Variants in ENTREP2 observed in about 807,000 individuals in gnomAD.
The protein encoded by ENTREP2 is endosomal transmembrane epsin interactor 2.
chr15:29,548,271 T>C, the ENTREP2 span, among the ~76,000 whole-genome samples: 1 of 151,878 alleles, frequency 6.6e-6, no homozygotes, highest in Non-Finnish European at 1.5e-5. Flanking sequence ...CTGGTCAATA[T>C]GGCAAAACAC....
chr15:29,454,701 A>C, the ENTREP2 span, among the ~76,000 whole-genome samples: 4 of 152,194 alleles, frequency 2.6e-5, no homozygotes, highest in African/African-American at 4.8e-5. Context: ...GCCTGCGAAC[A>C]GCCACGGAGT....
At chr15:29,421,202 G>A in the ENTREP2 span, among the ~76,000 whole-genome samples, 225 of 152,302 alleles carry the variant, frequency 1.5e-3, no homozygotes, top group African/African-American at 5.2e-3. Context: ...TGATTAAGGC[G>A]AGGCAAGTAC....
the ENTREP2 span, among the ~76,000 whole-genome samples, chr15:29,450,629 A>G: frequency 6.6e-6 from 1 of 152,222 alleles, no homozygotes; most frequent in Non-Finnish European, 1.5e-5. Context: ...AACCCAAAGG[A>G]ATATAAATCA....
chr15:29,354,382 G>A, the ENTREP2 span, among the ~76,000 whole-genome samples: 1 of 152,138 alleles, frequency 6.6e-6, no homozygotes. Flanking sequence ...CTATTCCCAT[G>A]ATCAATGTCC....
the ENTREP2 span, among the ~76,000 whole-genome samples, chr15:29,214,866 A>G: frequency 2.6e-5 from 4 of 152,260 alleles, no homozygotes; most frequent in Admixed American, 2.6e-4. Flanking sequence ...CTATCGGGCT[A>G]TCTTGGAGAA....
chr15:29,435,690 ATATG>A, the ENTREP2 span, among the ~76,000 whole-genome samples: 1 of 152,048 alleles, frequency 6.6e-6, no homozygotes, highest in Admixed American at 6.5e-5. Context: ...ACACACATAT[ATATG>A]TATATATATA....
chr15:29,493,705 G>A, the ENTREP2 span, among the ~76,000 whole-genome samples: 3 of 152,128 alleles, frequency 2.0e-5, no homozygotes, highest in Non-Finnish European at 2.9e-5. Context: ...GCTAGGCATG[G>A]TGGCTCAGGC....
At chr15:29,192,127 A>G in the ENTREP2 span, among the ~76,000 whole-genome samples, 1 of 152,198 alleles carries the variant, frequency 6.6e-6, no homozygotes, top group Non-Finnish European at 1.5e-5. Context: ...CATGGCCCCC[A>G]GCAATCATGA....
the ENTREP2 span, among the ~76,000 whole-genome samples, chr15:29,497,896 A>G: frequency 6.6e-6 from 1 of 151,676 alleles, no homozygotes; most frequent in Admixed American, 6.6e-5. Context: ...ATTTTTCTTC[A>G]TGTAGGCATT....
At chr15:29,659,968 T>C in the ENTREP2 span, among the ~76,000 whole-genome samples, 1 of 151,846 alleles carries the variant, frequency 6.6e-6, no homozygotes, top group South Asian at 2.1e-4. Context: ...CTGGCTAATT[T>C]TTTTTGTATT....
chr15:29,655,883 G>T, the ENTREP2 span, among the ~76,000 whole-genome samples: 1 of 151,960 alleles, frequency 6.6e-6, no homozygotes, highest in Non-Finnish European at 1.5e-5. Flanking sequence ...AAATTAGCTG[G>T]GTGCAGCGGT....
chr15:29,362,113 GC>G, the ENTREP2 span, among the ~76,000 whole-genome samples: 1 of 152,046 alleles, frequency 6.6e-6, no homozygotes, highest in African/African-American at 2.4e-5. Context: ...CCCAGAGACG[GC>G]CCCCACTCAG....
At chr15:29,460,325 T>C in the ENTREP2 span, among the ~76,000 whole-genome samples, 1 of 152,164 alleles carries the variant, frequency 6.6e-6, no homozygotes, top group Non-Finnish European at 1.5e-5. Flanking sequence ...ATGTGTCAGT[T>C]ACGATTCTTA....
chr15:29,340,972 C>T, the ENTREP2 span, among the ~76,000 whole-genome samples: 1 of 152,196 alleles, frequency 6.6e-6, no homozygotes, highest in Non-Finnish European at 1.5e-5. Flanking sequence ...CTCAAATATG[C>T]CAGGCCCCAT....
the ENTREP2 span, among the ~76,000 whole-genome samples, chr15:29,556,099 A>G: frequency 2.6e-5 from 4 of 152,234 alleles, no homozygotes; most frequent in East Asian, 7.7e-4. Flanking sequence ...ACAAAAATTA[A>G]AATTAAAAAA....
At chr15:29,623,849 C>T in the ENTREP2 span, among the ~76,000 whole-genome samples, 1 of 152,172 alleles carries the variant, frequency 6.6e-6, no homozygotes, top group Non-Finnish European at 1.5e-5. Flanking sequence ...GATTCTCCTG[C>T]CTCAGCCTCC....
the ENTREP2 span, among the ~76,000 whole-genome samples, chr15:29,645,234 C>T: frequency 8.6e-5 from 13 of 152,042 alleles, no homozygotes; most frequent in Admixed American, 2.0e-4. Context: ...GATGATGAGA[C>T]GTGAGAATTC....
the ENTREP2 span, among the ~76,000 whole-genome samples, chr15:29,395,003 TTAGCCTCCTGA>T: frequency 1.3e-5 from 2 of 149,606 alleles, no homozygotes; most frequent in African/African-American, 2.5e-5. Flanking sequence ...TTCTCCTGCC[TTAGCCTCCTGA>T]GTAGCTGGGC....
the ENTREP2 span, among the ~76,000 whole-genome samples, chr15:29,576,839 G>C: frequency 6.6e-6 from 1 of 152,118 alleles, no homozygotes; most frequent in African/African-American, 2.4e-5. Flanking sequence ...ACGGAGTCTC[G>C]CTCTGTCACC....
Sources: gnomAD v4.1 joint callset for allele counts (sites outside exome capture counted in the v4.1 genomes callset) on GRCh38, gnomAD v4.1.1 for gene constraint, MANE v1.5 for transcripts, NCBI Gene and HGNC (gene_info 2026-07-23, HGNC 2026-07-21) for gene names.